Variants in RERE observed in about 807,000 individuals in gnomAD.
RERE encodes the protein arginine-glutamic acid dipeptide repeats protein.
Under a neutral mutation model 146.1 loss-of-function variants are expected in RERE, and 40 were observed. The ratio of observed to expected loss-of-function variants is 0.27; its 90% CI spans 0.21 to 0.36. The LOEUF (loss-of-function observed/expected upper bound fraction) is 0.36. Among genes scored for constraint, RERE ranks in the 10% least tolerant of loss-of-function variants. The pLI is 1.00. For missense variants in RERE, 1,933 were observed against 2,138.7 expected, an observed-to-expected ratio of 0.90 and a Z score of 1.90; for synonymous variants, 1,003 against 866.0, an observed-to-expected ratio of 1.16 and a Z score of -2.78.
chr1:8,738,271 TTTG>T (rs1640239262), intron 1 of RERE, among the ~76,000 whole-genome samples: 1 of 152,112 alleles, frequency 6.6e-6, no homozygotes, highest in Non-Finnish European at 1.5e-5. Context: ...GTGCCTTTCT[TTTG>T]TTGTTGTTCT....
intron 1 of RERE, among the ~76,000 whole-genome samples, chr1:8,691,646 T>C (rs1361988695): frequency 6.6e-6 from 1 of 152,224 alleles, no homozygotes; most frequent in Admixed American, 6.5e-5. Context: ...AGAAAGATCA[T>C]ATATTACACC....
At chr1:8,606,738 G>T (rs566861696) in intron 4 of RERE, among the ~76,000 whole-genome samples, 1 of 152,036 alleles carries the variant, frequency 6.6e-6, no homozygotes, top group East Asian at 1.9e-4. Context: ...TCCTAAAAAA[G>T]AACACAAAAG....
chr1:8,562,553 A>G (rs961998058), intron 4 of RERE, among the ~76,000 whole-genome samples: 1 of 152,160 alleles, frequency 6.6e-6, no homozygotes, highest in Admixed American at 6.5e-5. Context: ...CAATGGCACC[A>G]TCATGGCTCA....
At chr1:8,376,626 T>C (rs938695758) in intron 12 of RERE, among the ~76,000 whole-genome samples, 1 of 152,226 alleles carries the variant, frequency 6.6e-6, no homozygotes, top group African/African-American at 2.4e-5. Context: ...TCTGGCCTAC[T>C]TTTGGCTCTA....
At chr1:8,784,451 G>C (rs543636962) in intron 1 of RERE, among the ~76,000 whole-genome samples, 3 of 151,508 alleles carry the variant, frequency 2.0e-5, no homozygotes, top group Admixed American at 6.6e-5. Context: ...AGGGTTTTTA[G>C]GTTTGCTTGG....
intron 4 of RERE, among the ~76,000 whole-genome samples, chr1:8,583,565 T>C (rs1646393160): frequency 6.6e-6 from 1 of 152,170 alleles, no homozygotes; most frequent in South Asian, 2.1e-4. Context: ...GCTGAAGTCA[T>C]CTAGACACTT....
At chr1:8,475,735 A>G (rs1439879763) in intron 10 of RERE, among the ~76,000 whole-genome samples, 4 of 152,168 alleles carry the variant, frequency 2.6e-5, no homozygotes, top group African/African-American at 4.8e-5. Flanking sequence ...TAATTCACAA[A>G]TGTCAATACA....
chr1:8,371,152 G>A (rs1642020990), intron 12 of RERE, among the ~76,000 whole-genome samples: 1 of 152,212 alleles, frequency 6.6e-6, no homozygotes, highest in African/African-American at 2.4e-5. Context: ...GTTCCCGGCT[G>A]CAGCTCTTGC....
chr1:8,497,621 T>C, intron 8 of RERE, 92 bp from the exon 9 acceptor site: 2 of 1,382,208 alleles, frequency 1.4e-6, no homozygotes, highest in South Asian at 1.3e-5. Flanking sequence ...ATATACAATG[T>C]TTTACTGAGA....
chr1:8,720,639 G>T (rs948876825), intron 1 of RERE, among the ~76,000 whole-genome samples: 3 of 152,146 alleles, frequency 2.0e-5, no homozygotes, highest in Admixed American at 2.0e-4. Flanking sequence ...TCGAGTCCAA[G>T]GTCAGGGTAG....
At chr1:8,489,237 G>A (rs1224555192) in intron 10 of RERE, among the ~76,000 whole-genome samples, 1 of 152,000 alleles carries the variant, frequency 6.6e-6, no homozygotes, top group Non-Finnish European at 1.5e-5. Context: ...GTAGTAGCCT[G>A]TAGTCCCAGG....
intron 1 of RERE, among the ~76,000 whole-genome samples, chr1:8,737,338 TC>T (rs1384836883): frequency 6.6e-6 from 1 of 152,200 alleles, no homozygotes; most frequent in African/African-American, 2.4e-5. Context: ...AACATTCCAG[TC>T]ACAAAGAATA....
chr1:8,755,529 G>A (rs546580913), intron 1 of RERE, among the ~76,000 whole-genome samples: 1 of 152,308 alleles, frequency 6.6e-6, no homozygotes, highest in African/African-American at 2.4e-5. Flanking sequence ...CCACTCAAGT[G>A]AGGGTCTCTT....
chr1:8,362,222 T>C (rs1405750115), intron 16 of RERE, among the ~76,000 whole-genome samples: 2 of 152,348 alleles, frequency 1.3e-5, no homozygotes, highest in African/African-American at 4.8e-5. Flanking sequence ...TTAAACTGCA[T>C]TTACATTGCA....
chr1:8,723,043 C>T (rs1639893961), intron 1 of RERE, among the ~76,000 whole-genome samples: 1 of 152,164 alleles, frequency 6.6e-6, no homozygotes, highest in African/African-American at 2.4e-5. Flanking sequence ...ACAAACGATT[C>T]AGAACTTTCA....
At chr1:8,508,771 G>C (rs189211546) in intron 7 of RERE, 96 bp from the exon 8 acceptor site, 87 of 988,184 alleles carry the variant, frequency 8.8e-5, no homozygotes, top group Non-Finnish European at 1.3e-4. Flanking sequence ...TCAAATAAAT[G>C]AGGAAAAACT....
At chr1:8,642,069 T>C (rs1647188386) in intron 2 of RERE, among the ~76,000 whole-genome samples, 2 of 152,196 alleles carry the variant, frequency 1.3e-5, no homozygotes, top group Non-Finnish European at 2.9e-5. Flanking sequence ...AATCAGGATA[T>C]ATTTTATATT....
chr1:8,505,132 C>T (rs1645233577), intron 8 of RERE, among the ~76,000 whole-genome samples: 1 of 152,072 alleles, frequency 6.6e-6, no homozygotes, highest in Non-Finnish European at 1.5e-5. Flanking sequence ...AGGGGAAGGA[C>T]CTGGGAATTA....
At chr1:8,689,920 G>A (rs1478922556) in intron 1 of RERE, among the ~76,000 whole-genome samples, 4 of 152,154 alleles carry the variant, frequency 2.6e-5, no homozygotes, top group African/African-American at 7.2e-5. Flanking sequence ...TCCTTCAGAA[G>A]GCAGCTGTAA....
Sources: allele counts gnomAD v4.1 joint callset (sites outside exome capture counted in the v4.1 genomes callset), GRCh38; gene constraint gnomAD v4.1.1; transcripts MANE v1.5; gene names NCBI Gene and HGNC (gene_info 2026-07-23, HGNC 2026-07-21).